Variants in MTMR9 observed in about 807,000 individuals in gnomAD.
MTMR9 encodes myotubularin related protein 9.
A neutral mutation model predicts 69.5 loss-of-function variants in MTMR9; 39 were observed. The observed-to-expected ratio is 0.56, with a 90% confidence interval of 0.43 to 0.73. The LOEUF (loss-of-function observed/expected upper bound fraction) is 0.73, where lower values mean the gene tolerates loss of function less well. Ranked by LOEUF, MTMR9 falls within the 30% of genes least tolerant of loss-of-function variation. The probability of loss-of-function intolerance (pLI) is 0.00; values close to 1 mark genes in which losing one functional copy is unlikely to be tolerated. For synonymous variants in MTMR9, 354 were observed against 240.8 expected, an observed-to-expected ratio of 1.47 and a Z score of -4.35; for missense variants, 900 against 671.2, an observed-to-expected ratio of 1.34 and a Z score of -3.77.
At chr8:11,328,183 G>A (rs1801034527), downstream of MTMR9, 2 of 151,762 alleles carry the variant, frequency 1.3e-5, no homozygotes, top group East Asian at 1.9e-4. Context: ...TCAAATATTG[G>A]TGAAGGTTTG....
At chr8:11,294,500 C>CTTTTTTTTTTTTTTTTTTTTTTTT in intron 1 of MTMR9, among the ~76,000 whole-genome samples, 1 of 105,844 alleles carries the variant, frequency 9.4e-6, no homozygotes, top group Non-Finnish European at 1.8e-5. Flanking sequence ...AATACTTTCA[C>CTTTTTTTTTTTTTTTTTTTTTTTT]TTTTTTTTTT....
chr8:11,288,523 T>C (rs1799273253), intron 1 of MTMR9, among the ~76,000 whole-genome samples: 1 of 151,686 alleles, frequency 6.6e-6, no homozygotes, highest in African/African-American at 2.4e-5. Flanking sequence ...ACTGTGAGTG[T>C]CTGGGGGAAG....
chr8:11,294,840 A>C (rs1799496360), intron 1 of MTMR9: 1 of 156,244 alleles, frequency 6.4e-6, no homozygotes. Context: ...GAAGTAAGGG[A>C]AATCTGAAGT....
At chr8:11,286,666 C>CAAAAAA in intron 1 of MTMR9, among the ~76,000 whole-genome samples, 1 of 71,662 alleles carries the variant, frequency 1.4e-5, no homozygotes. Context: ...AACTCCATCT[C>CAAAAAA]AAAAAAAAAA....
At chr8:11,321,707 A>G (rs1488020969) in intron 9 of MTMR9, 2 of 307,558 alleles carry the variant, frequency 6.5e-6, no homozygotes, top group East Asian at 8.0e-5. Context: ...TTACATTTAC[A>G]TCACAGCTAA....
downstream of MTMR9, among the ~76,000 whole-genome samples, chr8:11,329,094 T>C (rs981730019): frequency 6.6e-6 from 1 of 152,216 alleles, no homozygotes; most frequent in Non-Finnish European, 1.5e-5. Flanking sequence ...ACCATATGCA[T>C]ATTCATTTCT....
intron 8 of MTMR9, chr8:11,319,449 T>A: frequency 6.1e-6 from 3 of 491,348 alleles, no homozygotes; most frequent in Non-Finnish European, 1.1e-5. Context: ...TCTGTTTTTA[T>A]CCTCCTGCCA....
At chr8:11,321,267 G>T (rs1463966127) in intron 9 of MTMR9, 1 of 375,994 alleles carries the variant, frequency 2.7e-6, no homozygotes, top group African/African-American at 2.1e-5. Flanking sequence ...GATGGTGACT[G>T]CTCAGAACTT....
chr8:11,310,626 A>G (rs1263247573), intron 6 of MTMR9, among the ~76,000 whole-genome samples: 3 of 152,166 alleles, frequency 2.0e-5, no homozygotes, highest in Non-Finnish European at 4.4e-5. Flanking sequence ...CCATTTACCT[A>G]ATAAACTGTG....
In MTMR9 at chr8:11,304,981, A is replaced by G. The variant is rs1799886106; in HGVS notation, c.558A>G (p.Pro186=). 2 of 1,613,966 alleles carry G rather than the reference A, an allele frequency of 1.2e-6. No individual in the cohort carries two copies. Among genetic ancestry groups the G allele is most frequent in the Non-Finnish European group, 1.7e-6 (2 of 1,179,964 alleles). Residue 186 remains proline (P), a synonymous_variant, in exon 4 of 10, where the codon CCA becomes CCG. Coordinates refer to ENST00000221086, the MANE Select transcript of MTMR9 (RefSeq NM_015458.4). ...VATFRHGGRF[P]VLSYYHKKNG... ...CATTTCGACATGGAGGGCGCTTCCC[A>G]GTACTAAGCTATTACCACAAAAAAA...
At chr8:11,303,618 C>G (rs1272074658) in intron 3 of MTMR9, among the ~76,000 whole-genome samples, 1 of 152,204 alleles carries the variant, frequency 6.6e-6, no homozygotes, top group South Asian at 2.1e-4. Context: ...ACTGTGGCCT[C>G]GACTTCCTGG....
chr8:11,296,668 C>A (rs1198136263), intron 2 of MTMR9, among the ~76,000 whole-genome samples: 1 of 152,240 alleles, frequency 6.6e-6, no homozygotes, highest in East Asian at 1.9e-4. Context: ...GTTTTTTTCA[C>A]TTAGCATAAT....
intron 3 of MTMR9, among the ~76,000 whole-genome samples, chr8:11,301,721 T>G (rs965153709): frequency 7.2e-6 from 1 of 138,218 alleles, no homozygotes; most frequent in African/African-American, 2.9e-5. Flanking sequence ...ATGGATTCAG[T>G]TTATTTTTTA....
Position 11,316,690 on chromosome 8 carries a change from G to A in MTMR9, c.1131G>A (p.Gln377=), listed in dbSNP as rs1376757053. ...CCCCCTAGGCTGGTCACCCATTCCA[G>A]CAGCGCTGTGCACAGTCAGCCTACT... ...REWLQAGHPF[Q]QRCAQSAYCN... is the part of the protein sequence containing the mutation. Residue 377 remains glutamine (Q), a synonymous_variant, in exon 8 of 10, where the codon CAG becomes CAA. Coordinates refer to ENST00000221086, the MANE Select transcript of MTMR9 (RefSeq NM_015458.4). The A allele has an allele frequency of 1.2e-6, 2 of 1,607,100 alleles. No individual in the cohort carries two copies. The highest frequency in any genetic ancestry group is 1.7e-6 in the Non-Finnish European group (2 of 1,176,882).
chr8:11,331,573 G>A, downstream of MTMR9: 10 of 1,613,764 alleles, frequency 6.2e-6, no homozygotes, highest in Non-Finnish European at 7.6e-6. Flanking sequence ...GGTCTCGGTG[G>A]CTACGAGTGG....
intron 2 of MTMR9, chr8:11,298,721 C>G: frequency 5.9e-6 from 2 of 336,882 alleles, no homozygotes; most frequent in Non-Finnish European, 3.5e-6. Flanking sequence ...CCCCGCTGCA[C>G]CCCCCCCCCG....
chr8:11,311,676 G>A (rs770017293), intron 6 of MTMR9, among the ~76,000 whole-genome samples: 14 of 152,192 alleles, frequency 9.2e-5, no homozygotes, highest in Non-Finnish European at 1.6e-4. Context: ...AGTTACTGAA[G>A]CTTTGAATGG....
At position 11,284,904 on chromosome 8, in the gene MTMR9, CTGAT is replaced by C; in HGVS notation, c.18_21del (p.Ile7ArgfsTer24). ...GCGGGGGAGCATGGAGTTTGCGGAG[CTGAT>C]TAAGACCCCGCGGGTGGACAATGTG... On this transcript the variant is annotated frameshift_variant, in exon 1 of 10. Coordinates refer to ENST00000221086, the MANE Select transcript of MTMR9 (RefSeq NM_015458.4). LOFTEE classifies it high-confidence loss of function. The C allele has an allele frequency of 6.2e-7, 1 of 1,606,238 alleles. No individual in the cohort carries two copies. The highest frequency in any genetic ancestry group is 8.5e-7 in the Non-Finnish European group (1 of 1,176,346).
At position 11,289,113 on chromosome 8, in the gene MTMR9, A is replaced by T. The variant is rs141757780; in HGVS notation, c.182+4043A>T. ...CTTCACCCTGGGAGGCCGAGGTTGC[A>T]GTAAACTGAGATTGCACCACTGAAC... is the stretch of plus-strand genomic sequence containing the variant. On this transcript the variant is annotated intron_variant, in intron 1 of 9. Transcript: ENST00000221086. Among the ~76,000 whole-genome samples, 646 of 152,344 alleles carry T rather than the reference A, an allele frequency of 4.2e-3. 2 individuals carry two copies. Among genetic ancestry groups the T allele is most frequent in the Non-Finnish European group, 6.5e-3 (441 of 68,030 alleles).
Sources: gnomAD v4.1 joint callset for allele counts (sites outside exome capture counted in the v4.1 genomes callset) on GRCh38, gnomAD v4.1.1 for gene constraint, MANE v1.5 for transcripts, NCBI Gene and HGNC (gene_info 2026-07-23, HGNC 2026-07-21) for gene names.